The following COL5A2 variants were observed in gnomAD, a reference collection of about 807,000 sequenced individuals.
COL5A2 encodes the protein collagen alpha-2(V) chain.
COL5A2 carries 23 observed loss-of-function variants against 208.2 expected under a neutral mutation model. That is an observed-to-expected ratio of 0.11 (90% CI 0.08 to 0.16). The LOEUF (loss-of-function observed/expected upper bound fraction) is 0.16. Among genes scored for constraint, COL5A2 ranks in the 10% least tolerant of loss-of-function variants. COL5A2 has a pLI of 1.00. For missense variants in COL5A2, 1,590 were observed against 1,956.4 expected (o/e 0.81, Z 3.53); for synonymous variants, 625 against 628.5 (o/e 0.99, Z 0.08).
chr2:189,167,225 G>A (rs966352874), intron 1 of COL5A2, among the ~76,000 whole-genome samples: 2 of 152,126 alleles, frequency 1.3e-5, no homozygotes, highest in African/African-American at 2.4e-5. Context: ...TCAGGTGAGC[G>A]GGACACTTGG....
intron 35 of COL5A2, chr2:189,056,727 C>T: frequency 1.8e-6 from 1 of 556,574 alleles, no homozygotes; most frequent in South Asian, 2.1e-5. Flanking sequence ...AAAGAGGGCC[C>T]CCATCCCCTT....
chr2:189,206,157 T>G (rs1689140926), intron 1 of COL5A2, among the ~76,000 whole-genome samples: 2 of 152,172 alleles, frequency 1.3e-5, no homozygotes, highest in African/African-American at 4.8e-5. Context: ...GATGTGTAGT[T>G]AGGACTATGT....
the COL5A2 span, among the ~76,000 whole-genome samples, chr2:189,396,240 T>C: frequency 6.6e-6 from 1 of 152,238 alleles, no homozygotes; most frequent in Non-Finnish European, 1.5e-5. Context: ...AGTTTGCTTC[T>C]AAAATTTTCT....
the COL5A2 span, among the ~76,000 whole-genome samples, chr2:189,232,694 G>A: frequency 4.6e-5 from 7 of 151,812 alleles, 1 homozygote; most frequent in African/African-American, 1.4e-4. Context: ...GAAGTGACTG[G>A]GTGATGAGGA....
the COL5A2 span, among the ~76,000 whole-genome samples, chr2:189,250,717 C>T: frequency 1.3e-5 from 2 of 152,100 alleles, no homozygotes; most frequent in Non-Finnish European, 2.9e-5. Context: ...TGATTCTTAA[C>T]TGTCCTGACC....
upstream of COL5A2, among the ~76,000 whole-genome samples, chr2:189,229,790 C>G (rs1381506580): frequency 6.6e-6 from 1 of 151,708 alleles, no homozygotes; most frequent in Admixed American, 6.6e-5. Context: ...CAATCTCTAT[C>G]AAAATCTTAA....
At chr2:189,147,063 C>T (rs1304711328) in intron 1 of COL5A2, among the ~76,000 whole-genome samples, 1 of 152,122 alleles carries the variant, frequency 6.6e-6, no homozygotes, top group Non-Finnish European at 1.5e-5. Context: ...CCAAAGAAAT[C>T]CTAAATATAA....
chr2:189,362,226 C>T, the COL5A2 span, among the ~76,000 whole-genome samples: 1 of 152,108 alleles, frequency 6.6e-6, no homozygotes, highest in African/African-American at 2.4e-5. Flanking sequence ...TCTCCACTTA[C>T]AAAGCTTGAA....
At chr2:189,434,974 C>T in the COL5A2 span, among the ~76,000 whole-genome samples, 1 of 152,184 alleles carries the variant, frequency 6.6e-6, no homozygotes, top group African/African-American at 2.4e-5. Flanking sequence ...GTTACCAAAA[C>T]AGAGATATAG....
At chr2:189,183,998 G>T (rs560971675), upstream of COL5A2, among the ~76,000 whole-genome samples, 1 of 152,186 alleles carries the variant, frequency 6.6e-6, no homozygotes, top group African/African-American at 2.4e-5. Context: ...TATTTGTCAG[G>T]TTCTAATGAA....
chr2:189,418,969 T>C, the COL5A2 span, among the ~76,000 whole-genome samples: 1 of 152,144 alleles, frequency 6.6e-6, no homozygotes, highest in Non-Finnish European at 1.5e-5. Context: ...GATCCAAATG[T>C]AATAGTTACA....
chr2:189,302,738 C>T, the COL5A2 span, among the ~76,000 whole-genome samples: 1 of 152,172 alleles, frequency 6.6e-6, no homozygotes, highest in African/African-American at 2.4e-5. Context: ...CAAGCCCAAA[C>T]GTTGACTCAT....
At chr2:189,085,362 T>C (rs1686633915) in intron 10 of COL5A2, 149 bp from the exon 11 acceptor site, 1 of 846,176 alleles carries the variant, frequency 1.2e-6, no homozygotes, top group Non-Finnish European at 1.9e-6. Context: ...GAGAAAATAG[T>C]TTTATTAAAG....
the COL5A2 span, among the ~76,000 whole-genome samples, chr2:189,322,597 G>C: frequency 6.6e-6 from 1 of 152,058 alleles, no homozygotes; most frequent in Non-Finnish European, 1.5e-5. Flanking sequence ...TAAATTCCTC[G>C]ACACATACAC....
the COL5A2 span, among the ~76,000 whole-genome samples, chr2:189,435,489 A>G: frequency 6.6e-6 from 1 of 152,204 alleles, no homozygotes; most frequent in Non-Finnish European, 1.5e-5. Context: ...AGAAAAAAAC[A>G]AACAACCCCA....
At chr2:189,433,638 G>A in the COL5A2 span, among the ~76,000 whole-genome samples, 1 of 152,168 alleles carries the variant, frequency 6.6e-6, no homozygotes, top group Admixed American at 6.5e-5. Flanking sequence ...CCAGGAAGAA[G>A]TTGAATCTCT....
intron 6 of COL5A2, chr2:189,095,809 A>AT (rs1686898948): frequency 6.7e-6 from 1 of 149,754 alleles, no homozygotes; most frequent in Non-Finnish European, 1.5e-5. Context: ...AACTGATGTT[A>AT]TTTTCTACCT....
At chr2:189,041,031 T>G (rs987782359) in intron 50 of COL5A2, among the ~76,000 whole-genome samples, 12 of 152,164 alleles carry the variant, frequency 7.9e-5, no homozygotes, top group African/African-American at 2.7e-4. Context: ...AACACGCACA[T>G]GAGTACACCT....
intron 31 of COL5A2, among the ~76,000 whole-genome samples, chr2:189,059,210 T>G (rs1341542210): frequency 1.3e-5 from 2 of 152,146 alleles, no homozygotes; most frequent in African/African-American, 4.8e-5. Context: ...CTAAATGTCT[T>G]TTTTTAAACT....
Sources: gnomAD v4.1 joint callset for allele counts (sites outside exome capture counted in the v4.1 genomes callset) on GRCh38, gnomAD v4.1.1 for gene constraint, MANE v1.5 for transcripts, NCBI Gene and HGNC (gene_info 2026-07-23, HGNC 2026-07-21) for gene names.